Variants in SULT1E1 observed in about 807,000 individuals in gnomAD.
SULT1E1 encodes sulfotransferase 1E1.
SULT1E1 carries 36 observed loss-of-function variants against 33.6 expected under a neutral mutation model. The ratio of observed to expected loss-of-function variants is 1.07; its 90% CI spans 0.82 to 1.41. The LOEUF is 1.41. Ranked by LOEUF, SULT1E1 falls within the 40% of genes most tolerant of loss-of-function variation. The pLI, the probability that SULT1E1 is intolerant of heterozygous loss-of-function variation, is 0.00. For synonymous variants in SULT1E1, 121 were observed against 111.7 expected, an observed-to-expected ratio of 1.08 and a Z score of -0.53; for missense variants, 371 against 345.7, an observed-to-expected ratio of 1.07 and a Z score of -0.58.
intron 4 of SULT1E1, among the ~76,000 whole-genome samples, chr4:69,852,857 A>T (rs902031000): frequency 1.3e-4 from 20 of 152,152 alleles, no homozygotes; most frequent in African/African-American, 4.8e-5. Context: ...AGAAGTAAGG[A>T]GTTAACAGCA....
At chr4:69,837,366 T>C, downstream of SULT1E1, among the ~76,000 whole-genome samples, 1 of 151,852 alleles carries the variant, frequency 6.6e-6, no homozygotes, top group Non-Finnish European at 1.5e-5. Flanking sequence ...ATATTAACAA[T>C]AATAATAATT....
chr4:69,851,059 C>A (rs934607267), intron 4 of SULT1E1, among the ~76,000 whole-genome samples: 2 of 152,024 alleles, frequency 1.3e-5, no homozygotes, highest in Non-Finnish European at 2.9e-5. Context: ...GACCCCTATT[C>A]TTTTTGTTGC....
intron 4 of SULT1E1, 65 bp downstream of exon 4, chr4:69,854,152 T>A (rs1323784701): frequency 4.3e-6 from 5 of 1,163,610 alleles, no homozygotes; most frequent in Non-Finnish European, 6.4e-6. Context: ...TGTGTATAAC[T>A]GATGAGATCA....
At chr4:69,844,444 T>C in intron 6 of SULT1E1, 103 bp from the exon 7 acceptor site, 6 of 825,934 alleles carry the variant, frequency 7.3e-6, no homozygotes, top group Non-Finnish European at 1.1e-5. Flanking sequence ...CCTACTGATA[T>C]TAGAATTAGA....
At chr4:69,851,327 A>C (rs1232470697) in intron 4 of SULT1E1, among the ~76,000 whole-genome samples, 9 of 152,234 alleles carry the variant, frequency 5.9e-5, no homozygotes, top group Non-Finnish European at 1.3e-4. Context: ...ATGAACAGAC[A>C]CTTCTCAAGA....
the SULT1E1 span, among the ~76,000 whole-genome samples, chr4:69,830,895 TAAAC>T: frequency 2.6e-4 from 40 of 152,176 alleles, no homozygotes; most frequent in African/African-American, 9.7e-4. Flanking sequence ...AAAGAGCTGG[TAAAC>T]AAAAGCTCAC....
At chr4:69,838,668 C>T (rs1446031285), downstream of SULT1E1, 1 of 152,182 alleles carries the variant, frequency 6.6e-6, no homozygotes, top group Non-Finnish European at 1.5e-5. Context: ...GTTTCAGAGG[C>T]CTAGCAGACA....
downstream of SULT1E1, among the ~76,000 whole-genome samples, chr4:69,839,470 T>G (rs1720844164): frequency 6.6e-6 from 1 of 152,194 alleles, no homozygotes; most frequent in African/African-American, 2.4e-5. Context: ...GCAGATTAAT[T>G]GAGTTTTCAA....
chr4:69,842,258 T>A, intron 7 of SULT1E1, 152 bp from the exon 8 acceptor site: 1 of 539,386 alleles, frequency 1.9e-6, no homozygotes, highest in Non-Finnish European at 3.2e-6. Flanking sequence ...ATGATATACT[T>A]TTTTGGGCTT....
downstream of SULT1E1, among the ~76,000 whole-genome samples, chr4:69,840,825 T>C (rs1720865961): frequency 6.6e-6 from 1 of 152,256 alleles, no homozygotes; most frequent in Admixed American, 6.5e-5. Context: ...GGCGGGTGGA[T>C]CACGAGGTCA....
chr4:69,827,550 T>C, the SULT1E1 span, among the ~76,000 whole-genome samples: 1 of 152,108 alleles, frequency 6.6e-6, no homozygotes, highest in African/African-American at 2.4e-5. Flanking sequence ...CTTAAGGAAA[T>C]ATGCTCCCCT....
At chr4:69,831,698 C>A in the SULT1E1 span, among the ~76,000 whole-genome samples, 2 of 152,126 alleles carry the variant, frequency 1.3e-5, no homozygotes, top group Non-Finnish European at 2.9e-5. Flanking sequence ...CTTTTCTGAC[C>A]GACCAGACCG....
chr4:69,853,920 T>G (rs1721177683), intron 4 of SULT1E1, among the ~76,000 whole-genome samples: 1 of 152,190 alleles, frequency 6.6e-6, no homozygotes, highest in Admixed American at 6.5e-5. Flanking sequence ...TTATAAGCAT[T>G]ATCATGTAAT....
chr4:69,844,651 A>C (rs1340640427), intron 6 of SULT1E1, among the ~76,000 whole-genome samples: 4 of 152,168 alleles, frequency 2.6e-5, no homozygotes, highest in Non-Finnish European at 4.4e-5. Context: ...CATCATACTC[A>C]AAACCTAAAG....
At chr4:69,846,935 T>C (rs1470547186) in intron 6 of SULT1E1, among the ~76,000 whole-genome samples, 1 of 151,756 alleles carries the variant, frequency 6.6e-6, no homozygotes. Context: ...TAGCATTCTC[T>C]TTACACTCTT....
the SULT1E1 span, among the ~76,000 whole-genome samples, chr4:69,828,461 G>A: frequency 6.4e-4 from 97 of 152,128 alleles, no homozygotes; most frequent in African/African-American, 2.2e-3. Flanking sequence ...CACTGCAAAG[G>A]TCTGCAGCTT....
chr4:69,858,661 C>T (rs889384855), intron 1 of SULT1E1, among the ~76,000 whole-genome samples: 8 of 152,098 alleles, frequency 5.3e-5, no homozygotes, highest in Non-Finnish European at 1.0e-4. Context: ...TTTAAAAAAC[C>T]TTCCTCTACA....
intron 2 of SULT1E1, among the ~76,000 whole-genome samples, chr4:69,856,481 A>T (rs534312491): frequency 6.6e-6 from 1 of 152,326 alleles, no homozygotes; most frequent in South Asian, 2.1e-4. Context: ...TATCTACCAG[A>T]CTAAATGACC....
chr4:69,844,060 A>C, intron 7 of SULT1E1, 101 bp downstream of exon 7: 1 of 1,037,364 alleles, frequency 9.6e-7, no homozygotes, highest in African/African-American at 1.6e-5. Flanking sequence ...AGAAAACTTA[A>C]GCTGGGTTCA....
Sources: allele counts gnomAD v4.1 joint callset (sites outside exome capture counted in the v4.1 genomes callset), GRCh38; gene constraint gnomAD v4.1.1; transcripts MANE v1.5; gene names NCBI Gene and HGNC (gene_info 2026-07-23, HGNC 2026-07-21).